Variants in STRADB observed in about 807,000 individuals in gnomAD.
The protein encoded by STRADB is STE20-related kinase adapter protein beta.
STRADB carries 34 observed loss-of-function variants against 52.1 expected under a neutral mutation model. The ratio of observed to expected loss-of-function variants is 0.65; its 90% confidence interval spans 0.50 to 0.87. The LOEUF (loss-of-function observed/expected upper bound fraction) is 0.87. Among genes scored for constraint, STRADB ranks in the 40% least tolerant of loss-of-function variants. The probability of loss-of-function intolerance (pLI) is 0.00; values close to 1 mark genes in which losing one functional copy is unlikely to be tolerated. For synonymous variants in STRADB, 133 were observed against 174.5 expected (o/e 0.76, Z 1.87); for missense variants, 340 against 483.9 (o/e 0.70, Z 2.79).
chr2:201,472,914 T>C, intron 4 of STRADB, 41 bp from the exon 5 acceptor site: 2 of 1,536,904 alleles, frequency 1.3e-6, no homozygotes, highest in Non-Finnish European at 8.7e-7. Context: ...CAGTTTTTTT[T>C]CTTCTTTGGT....
At position 201,478,110 on chromosome 2, in the gene STRADB, G is replaced by A. The variant is rs766080882; in HGVS notation, c.744G>A (p.Lys248=). The A allele has an allele frequency of 1.9e-6, 3 of 1,611,634 alleles. No homozygotes were observed. The highest frequency in any genetic ancestry group is 1.1e-5 in the South Asian group (1 of 90,158). Residue 248 remains lysine (K), a synonymous_variant, in exon 9 of 12, where the codon AAG becomes AAA. Transcript: ENST00000194530. ...AGGATTTACATGGGTATAATGTGAA[G>A]TCAGATATTTACAGTGTTGGGATTA... is the stretch of plus-strand genomic sequence containing the variant. The part of the protein sequence containing the change: ...LRQDLHGYNV[K]SDIYSVGITA...
chr2:201,452,294 G>T (rs889270501), intron 1 of STRADB, among the ~76,000 whole-genome samples: 2 of 152,186 alleles, frequency 1.3e-5, no homozygotes, highest in South Asian at 2.1e-4. Context: ...CGGGCTTGGG[G>T]AGTTGCCATA....
intron 3 of STRADB, among the ~76,000 whole-genome samples, chr2:201,469,124 C>T (rs917592705): frequency 6.6e-5 from 10 of 152,268 alleles, no homozygotes; most frequent in Middle Eastern, 3.4e-3. Flanking sequence ...ATCTCTGTCT[C>T]TTGATTAAAA....
chr2:201,462,704 A>G (rs950127010), intron 3 of STRADB, among the ~76,000 whole-genome samples: 3 of 152,106 alleles, frequency 2.0e-5, no homozygotes, highest in African/African-American at 7.2e-5. Flanking sequence ...CCTGTTTTTT[A>G]AGTTTTTATG....
At chr2:201,462,475 T>G (rs1952231329) in intron 3 of STRADB, among the ~76,000 whole-genome samples, 1 of 152,194 alleles carries the variant, frequency 6.6e-6, no homozygotes, top group African/African-American at 2.4e-5. Context: ...CCTTCCTGTC[T>G]TCTTCTTTTT....
chr2:201,459,827 C>CA (rs1952186080), intron 3 of STRADB, among the ~76,000 whole-genome samples: 1 of 152,100 alleles, frequency 6.6e-6, no homozygotes, highest in Non-Finnish European at 1.5e-5. Context: ...TAGAATATGT[C>CA]TTAGTTTCAT....
intron 1 of STRADB, among the ~76,000 whole-genome samples, chr2:201,454,017 A>G (rs140893325): frequency 2.7e-4 from 41 of 152,294 alleles, no homozygotes; most frequent in African/African-American, 9.4e-4. Flanking sequence ...TCCTGCTCAC[A>G]TATTTGTAGA....
Position 201,478,705 on chromosome 2 carries a change from A to G in STRADB, c.1070+104A>G, listed in dbSNP as rs1195808888. On this transcript the variant is annotated intron_variant, in intron 10 of 11. Transcript: ENST00000194530. The stretch of plus-strand genomic sequence containing the variant: ...GGAGAATACAAATCTTTTGATCAAA[A>G]TATTGTCTGCTCTAGAAAATATCAA... The G allele has an allele frequency of 5.4e-6, 7 of 1,293,534 alleles. No individual in the cohort carries two copies. The South Asian group carries it at 1.1e-4, about 20-fold the overall frequency. 80.1% of individuals were successfully genotyped at this position (1,293,534 alleles called of 1,614,324 possible).
At chr2:201,463,845 T>C (rs1952255992) in intron 3 of STRADB, among the ~76,000 whole-genome samples, 2 of 152,056 alleles carry the variant, frequency 1.3e-5, no homozygotes, top group African/African-American at 4.8e-5. Flanking sequence ...ACTAATTCTT[T>C]CTTCTGCTTG....
At chr2:201,457,300 G>A (rs1952142783) in intron 2 of STRADB, 2 of 152,250 alleles carry the variant, frequency 1.3e-5, no homozygotes, top group South Asian at 4.1e-4. Flanking sequence ...GTCCTGCCCA[G>A]CTGGTGGATA....
chr2:201,474,646 G>C lies in STRADB; in HGVS notation c.316-1G>C. The C allele has an allele frequency of 6.2e-7, 1 of 1,608,070 alleles. No homozygotes were observed. On this transcript the variant is annotated splice_acceptor_variant, in intron 5 of 11. Coordinates refer to ENST00000194530, the MANE Select transcript of STRADB (RefSeq NM_018571.6). LOFTEE classifies it high-confidence loss of function. ...TCTTGTCTCTTGTGTGTTTATCCTAGAAAGCCGTGATTCTATCCCACTTTT... is the reference window on the plus strand; with the variant it reads ...TCTTGTCTCTTGTGTGTTTATCCTACAAAGCCGTGATTCTATCCCACTTTT...
chr2:201,454,252 C>T (rs886119611), intron 1 of STRADB, among the ~76,000 whole-genome samples: 1 of 152,114 alleles, frequency 6.6e-6, no homozygotes, highest in Non-Finnish European at 1.5e-5. Context: ...TCAGGGACCC[C>T]AAATGATTTA....
At chr2:201,477,874 G>A in intron 8 of STRADB, 84 bp downstream of exon 8, 1 of 1,515,860 alleles carries the variant, frequency 6.6e-7, no homozygotes, top group South Asian at 1.2e-5. Flanking sequence ...CTTTATATTT[G>A]GATTGGTGAA....
chr2:201,458,636 G>T, intron 2 of STRADB, 148 bp from the exon 3 acceptor site: 1 of 611,414 alleles, frequency 1.6e-6, no homozygotes, highest in Non-Finnish European at 2.9e-6. Context: ...TCCTCATGAT[G>T]TGGATCCTGG....
At chr2:201,462,859 T>C (rs1009941524) in intron 3 of STRADB, among the ~76,000 whole-genome samples, 3 of 152,248 alleles carry the variant, frequency 2.0e-5, no homozygotes, top group African/African-American at 7.2e-5. Flanking sequence ...TGTGTATTTA[T>C]TACCAGTGAG....
chr2:201,475,918 C>T (rs908164398), intron 7 of STRADB, among the ~76,000 whole-genome samples, 176 bp downstream of exon 7: 2 of 152,092 alleles, frequency 1.3e-5, no homozygotes, highest in East Asian at 3.9e-4. Context: ...TATGTCCATT[C>T]GCCAAACATG....
In STRADB at chr2:201,478,069, A is replaced by G. The variant is rs763332791; in HGVS notation, c.721-18A>G. ...ACTTATTTGCACTAAAAGACTTCAA[A>G]TTAATTGTGTCCTACAGGATTTACA... On this transcript the variant is annotated intron_variant, in intron 8 of 11. Coordinates refer to ENST00000194530, the MANE Select transcript of STRADB (RefSeq NM_018571.6). 6.3e-7 allele frequency: 1 copy of G among 1,584,134 alleles called. No homozygotes were observed. The highest frequency in any genetic ancestry group is 8.6e-7 in the Non-Finnish European group (1 of 1,165,656).
At chr2:201,465,843 A>G (rs1952294194) in intron 3 of STRADB, among the ~76,000 whole-genome samples, 1 of 152,164 alleles carries the variant, frequency 6.6e-6, no homozygotes, top group African/African-American at 2.4e-5. Context: ...CTCCTTGGGC[A>G]CTGGCTGCAT....
chr2:201,477,532 G>A, intron 7 of STRADB, 87 bp from the exon 8 acceptor site: 2 of 1,344,680 alleles, frequency 1.5e-6, no homozygotes, highest in Non-Finnish European at 2.1e-6. Flanking sequence ...ATTTCCAAGA[G>A]AATATATGGA....
Sources: gnomAD v4.1 joint callset for allele counts (sites outside exome capture counted in the v4.1 genomes callset) on GRCh38, gnomAD v4.1.1 for gene constraint, MANE v1.5 for transcripts, NCBI Gene and HGNC (gene_info 2026-07-23, HGNC 2026-07-21) for gene names.